The following SPAG17 variants were observed in gnomAD, a reference collection of about 807,000 sequenced individuals.
SPAG17 encodes the protein sperm-associated antigen 17.
In SPAG17, 169 loss-of-function variants were observed where a neutral mutation model predicts 273.6. The observed-to-expected ratio is 0.62, with a 90% CI of 0.55 to 0.70. The LOEUF is 0.70. Among genes scored for constraint, SPAG17 ranks in the 30% least tolerant of loss-of-function variants. The pLI is 0.00. For synonymous variants in SPAG17, 825 were observed against 873.2 expected (o/e 0.94, Z 0.97); for missense variants, 2,557 against 2,627.8 (o/e 0.97, Z 0.59).
At chr1:118,150,683 T>C (rs986932741) in intron 2 of SPAG17, 54 bp from the exon 3 acceptor site, 15 of 1,023,870 alleles carry the variant, frequency 1.5e-5, no homozygotes, top group Admixed American at 2.2e-5. Context: ...TGAAGAATAC[T>C]TAGATATATG....
chr1:118,036,367 T>G (rs1649072053), intron 24 of SPAG17, among the ~76,000 whole-genome samples: 1 of 151,898 alleles, frequency 6.6e-6, no homozygotes, highest in South Asian at 2.1e-4. Context: ...CCTTGGCAAT[T>G]TATGCTTTCT....
chr1:118,055,684 A>C, intron 19 of SPAG17, 49 bp downstream of exon 19: 2 of 1,390,994 alleles, frequency 1.4e-6, no homozygotes, highest in Non-Finnish European at 2.0e-6. Context: ...AAGAGAGAGA[A>C]GAACGTTCTT....
At chr1:118,035,705 A>G (rs1422822255) in intron 24 of SPAG17, among the ~76,000 whole-genome samples, 1 of 152,210 alleles carries the variant, frequency 6.6e-6, no homozygotes, top group Admixed American at 6.5e-5. Context: ...GATCTACTCT[A>G]ACATAAAGTT....
intron 38 of SPAG17, 56 bp from the exon 39 acceptor site, chr1:117,988,260 A>C: frequency 7.8e-7 from 1 of 1,275,586 alleles, no homozygotes; most frequent in Non-Finnish European, 1.1e-6. Context: ...GGCAACACAC[A>C]ATCAGTACAC....
At chr1:118,065,758 T>C (rs1400753990) in intron 18 of SPAG17, among the ~76,000 whole-genome samples, 1 of 152,066 alleles carries the variant, frequency 6.6e-6, no homozygotes, top group African/African-American at 2.4e-5. Flanking sequence ...TTAATGACCA[T>C]TGAGAACTCA....
At chr1:118,127,097 C>G (rs186214604) in intron 3 of SPAG17, among the ~76,000 whole-genome samples, 49 of 152,248 alleles carry the variant, frequency 3.2e-4, no homozygotes, top group Admixed American at 6.5e-4. Context: ...CTTTGGGATA[C>G]ATTTTGAAGT....
intron 1 of SPAG17, among the ~76,000 whole-genome samples, chr1:118,154,418 A>AG (rs776473456): frequency 7.2e-5 from 11 of 152,184 alleles, no homozygotes; most frequent in Non-Finnish European, 1.3e-4. Flanking sequence ...GAGCTGCAGC[A>AG]GGGGGGCAGT....
At chr1:118,168,490 G>A (rs1276378545) in intron 1 of SPAG17, among the ~76,000 whole-genome samples, 1 of 152,166 alleles carries the variant, frequency 6.6e-6, no homozygotes, top group Non-Finnish European at 1.5e-5. Context: ...AAGAAAACAG[G>A]CCATGAGGCT....
intron 32 of SPAG17, among the ~76,000 whole-genome samples, chr1:118,004,556 A>T (rs1187522937): frequency 2.0e-5 from 3 of 152,214 alleles, no homozygotes; most frequent in Non-Finnish European, 4.4e-5. Context: ...GCTGCCTCAC[A>T]GTTTGATCTC....
intron 32 of SPAG17, among the ~76,000 whole-genome samples, chr1:117,999,501 C>G (rs1166164865): frequency 6.6e-6 from 1 of 152,142 alleles, no homozygotes; most frequent in African/African-American, 2.4e-5. Flanking sequence ...TGTTTCCTGA[C>G]TTTTTAACGA....
At chr1:118,162,564 T>C (rs1659982102) in intron 1 of SPAG17, among the ~76,000 whole-genome samples, 1 of 152,192 alleles carries the variant, frequency 6.6e-6, no homozygotes, top group Non-Finnish European at 1.5e-5. Flanking sequence ...CATGTAAACG[T>C]ATTTCGCAGC....
At chr1:118,183,174 CAT>C (rs1661025279) in intron 1 of SPAG17, among the ~76,000 whole-genome samples, 1 of 152,128 alleles carries the variant, frequency 6.6e-6, no homozygotes, top group Non-Finnish European at 1.5e-5. Flanking sequence ...AGCACACACA[CAT>C]AATACAACAC....
chr1:118,164,452 T>C (rs1490368493), intron 1 of SPAG17, among the ~76,000 whole-genome samples: 1 of 152,208 alleles, frequency 6.6e-6, no homozygotes, highest in Non-Finnish European at 1.5e-5. Context: ...CATCATAACT[T>C]AAAATCCTCC....
At chr1:118,091,040 C>A (rs1655339997) in intron 10 of SPAG17, among the ~76,000 whole-genome samples, 2 of 151,892 alleles carry the variant, frequency 1.3e-5, no homozygotes, top group Non-Finnish European at 2.9e-5. Context: ...CAATCATGAT[C>A]AAGAAAAGGA....
chr1:117,971,731 G>A, intron 45 of SPAG17, 132 bp downstream of exon 45: 1 of 674,662 alleles, frequency 1.5e-6, no homozygotes, highest in Middle Eastern at 3.1e-4. Flanking sequence ...GTAAATGACT[G>A]AATGAATAAT....
intron 44 of SPAG17, 89 bp from the exon 45 acceptor site, chr1:117,972,136 ACTG>A: frequency 8.8e-7 from 1 of 1,139,156 alleles, no homozygotes; most frequent in East Asian, 2.5e-5. Flanking sequence ...GAGGAAAATA[ACTG>A]TTGGGTTGCT....
intron 36 of SPAG17, 145 bp downstream of exon 36, chr1:117,992,321 A>G: frequency 1.4e-6 from 1 of 700,404 alleles, no homozygotes; most frequent in Non-Finnish European, 2.3e-6. Flanking sequence ...CTACCTCTCA[A>G]CCCTCTACTC....
chr1:118,126,561 T>C (rs1300479001), intron 3 of SPAG17, among the ~76,000 whole-genome samples: 2 of 152,046 alleles, frequency 1.3e-5, no homozygotes, highest in Non-Finnish European at 2.9e-5. Flanking sequence ...AGTTTTTGAG[T>C]TCCTTATATA....
chr1:118,109,231 T>G (rs1019387179), intron 4 of SPAG17, among the ~76,000 whole-genome samples: 1 of 150,550 alleles, frequency 6.6e-6, no homozygotes, highest in Non-Finnish European at 1.5e-5. Flanking sequence ...AACCTCCGCC[T>G]GCCAGATTCA....
Sources: allele counts gnomAD v4.1 joint callset (sites outside exome capture counted in the v4.1 genomes callset), GRCh38; gene constraint gnomAD v4.1.1; transcripts MANE v1.5; gene names NCBI Gene and HGNC (gene_info 2026-07-23, HGNC 2026-07-21).